MYO16: variants seen among roughly 807,000 people sequenced by gnomAD.
MYO16 encodes unconventional myosin-XVI.
In MYO16, 94 loss-of-function variants were observed where a neutral mutation model predicts 205.3. The ratio of observed to expected loss-of-function variants is 0.46; its 90% CI spans 0.39 to 0.54. MYO16 has a LOEUF of 0.54. Among genes scored for constraint, MYO16 ranks in the 20% least tolerant of loss-of-function variants. MYO16 has a pLI of 0.00. For synonymous variants in MYO16, 988 were observed against 954.0 expected (o/e 1.04, Z -0.66); for missense variants, 2,315 against 2,387.5 (o/e 0.97, Z 0.63).
At chr13:108,858,711 T>G (rs814141) in intron 11 of MYO16, among the ~76,000 whole-genome samples, 21,590 of 152,184 alleles carry the variant, frequency 0.14, 1,697 homozygotes, top group East Asian at 0.28. Flanking sequence ...AACACAAAAA[T>G]TCAGAGTAAC....
At chr13:109,147,692 G>A (rs1337780837) in intron 32 of MYO16, among the ~76,000 whole-genome samples, 1 of 152,110 alleles carries the variant, frequency 6.6e-6, no homozygotes, top group Non-Finnish European at 1.5e-5. Context: ...AGTTGGGGGT[G>A]GGAGTGCTCA....
At chr13:109,066,668 G>A (rs981495308) in intron 27 of MYO16, among the ~76,000 whole-genome samples, 3 of 152,136 alleles carry the variant, frequency 2.0e-5, no homozygotes, top group African/African-American at 7.2e-5. Context: ...AGTACGTATT[G>A]TAGACTTTAT....
intron 27 of MYO16, among the ~76,000 whole-genome samples, chr13:109,097,350 G>A (rs1369552824): frequency 6.6e-6 from 1 of 152,064 alleles, no homozygotes; most frequent in Non-Finnish European, 1.5e-5. Flanking sequence ...GATATCATGT[G>A]AGAGAATCAT....
the MYO16 span, among the ~76,000 whole-genome samples, chr13:108,575,468 A>G: frequency 1.3e-5 from 2 of 152,098 alleles, no homozygotes; most frequent in African/African-American, 4.8e-5. Flanking sequence ...AGGAAAAGCC[A>G]AGCCTGAGCC....
the MYO16 span, among the ~76,000 whole-genome samples, chr13:108,505,113 A>G: frequency 6.6e-6 from 1 of 152,316 alleles, no homozygotes; most frequent in African/African-American, 2.4e-5. Flanking sequence ...CCTGTGATGG[A>G]CATGGGTGTG....
In MYO16 at chr13:109,140,319, T is replaced by C. The variant is rs201420493; in HGVS notation, c.4107T>C (p.Pro1369=). ...SDDYSTMKKI[P]PRKPKRSPNT... is the part of the protein sequence containing the mutation. Reference sequence around the variant, plus strand: ...ACTACAGCACCATGAAGAAGATTCCTCCTCGAAAGCCCAAGCGCAGCCCCA... The same window carrying C: ...ACTACAGCACCATGAAGAAGATTCCCCCTCGAAAGCCCAAGCGCAGCCCCA... Residue 1369 remains proline (P), a synonymous_variant, in exon 32 of 35, where the codon CCT becomes CCC. Coordinates refer to ENST00000457511, the MANE Select transcript of MYO16 (RefSeq NM_001198950.3). The surrounding 1 kb of genome is among the most constrained non-coding windows in gnomAD (Gnocchi z 8.0). The C allele has an allele frequency of 9.4e-6, 15 of 1,602,680 alleles. No homozygotes were observed. The highest frequency in any genetic ancestry group is 7.6e-6 in the Non-Finnish European group (9 of 1,179,364).
rs1296864019 is a variant in MYO16, at chr13:109,019,891, A to G, written c.2776A>G (p.Ile926Val). The change falls in exon 23 of 35, where the codon ATC becomes GTC. Residue 926 changes from isoleucine to valine, a missense_variant. Around this residue, in one of 3 missense-constraint regions of MYO16, gnomAD observed 1,213 missense variants for 1,274.4 expected, o/e 0.95. Transcript: ENST00000457511. ...CAAAGACCACGGTACAGCCTTCACC[A>G]TCATGCACTACGCAGGAAGGGTAAG... ...ALKDHGTAFT[I>V]MHYAGRVMYD... 4.3e-6 allele frequency: 7 copies of G among 1,614,034 alleles called. No individual in the cohort carries two copies. The highest frequency in any genetic ancestry group is 5.9e-6 in the Non-Finnish European group (7 of 1,180,002).
intron 16 of MYO16, among the ~76,000 whole-genome samples, chr13:108,922,060 C>T (rs867422384): frequency 6.6e-6 from 1 of 152,168 alleles, no homozygotes; most frequent in African/African-American, 2.4e-5. Flanking sequence ...TGGTCTTGCT[C>T]CTAGCGTACG....
chr13:108,748,221 A>T, intron 4 of MYO16, among the ~76,000 whole-genome samples: 1 of 152,128 alleles, frequency 6.6e-6, no homozygotes, highest in East Asian at 1.9e-4. Context: ...AAAATTGTCA[A>T]ATATTTGGAG....
Position 109,030,538 on chromosome 13 carries a change from A to T in MYO16, c.2796+10627A>T, listed in dbSNP as rs1886516169. Among the ~76,000 whole-genome samples, 6 of 152,176 alleles carry T rather than the reference A, an allele frequency of 3.9e-5. 1 individual carries two copies. The highest frequency in any genetic ancestry group is 3.9e-4 in the Admixed American group (6 of 15,280). ...TTATTTCCTAAGGATTATCTTTTGC[A>T]TCATATAAATAACATGAGAAAGGGA... On this transcript the variant is annotated intron_variant, in intron 23 of 34. Coordinates refer to ENST00000457511, the MANE Select transcript of MYO16 (RefSeq NM_001198950.3).
At chr13:108,826,890 T>C (rs944617134) in intron 9 of MYO16, among the ~76,000 whole-genome samples, 1 of 152,128 alleles carries the variant, frequency 6.6e-6, no homozygotes, top group Non-Finnish European at 1.5e-5. Flanking sequence ...TAAATCAGTG[T>C]TGGCAAGGAT....
At chr13:108,806,586 A>G in intron 6 of MYO16, 93 bp from the exon 7 acceptor site, 23 of 1,078,248 alleles carry the variant, frequency 2.1e-5, no homozygotes, top group Non-Finnish European at 3.0e-5. Context: ...TAGATCCACC[A>G]TTTCATTAAG....
chr13:108,569,965 A>G, the MYO16 span, among the ~76,000 whole-genome samples: 2 of 152,228 alleles, frequency 1.3e-5, no homozygotes, highest in African/African-American at 2.4e-5. Flanking sequence ...CAAATTTCAC[A>G]TTCCTAGAAT....
intron 10 of MYO16, among the ~76,000 whole-genome samples, chr13:108,853,596 ATTTTT>A (rs35080410): frequency 1.5e-5 from 2 of 130,276 alleles, no homozygotes; most frequent in Non-Finnish European, 1.6e-5. Flanking sequence ...TGAGATCTAG[ATTTTT>A]TTTTTTTTTT....
chr13:108,962,310 C>T (rs1393465629), intron 18 of MYO16, 114 bp from the exon 19 acceptor site: 1 of 736,740 alleles, frequency 1.4e-6, no homozygotes, highest in African/African-American at 1.8e-5. Context: ...TTTTAAAATA[C>T]TCATGTTTTG....
intron 1 of MYO16, among the ~76,000 whole-genome samples, chr13:108,663,528 G>A (rs1305928322): frequency 6.6e-6 from 1 of 152,116 alleles, no homozygotes; most frequent in African/African-American, 2.4e-5. Flanking sequence ...CAAGATTTGA[G>A]ACATGAATGG....
At chr13:108,563,403 G>A in the MYO16 span, among the ~76,000 whole-genome samples, 2 of 152,050 alleles carry the variant, frequency 1.3e-5, no homozygotes, top group East Asian at 3.9e-4. Flanking sequence ...CCCCTATTAG[G>A]TGATTAAATA....
rs1214122421 is a variant in MYO16 at position 109,194,692 on chromosome 13, C to T, written c.5416-11917C>T. 5.9e-5 allele frequency among the ~76,000 whole-genome samples: 9 copies of T among 152,120 alleles called. 1 individual carries two copies. In the South Asian group the frequency reaches 6.2e-4, roughly 11 times the overall value. On this transcript the variant is annotated intron_variant, in intron 34 of 34. Coordinates refer to ENST00000457511, the MANE Select transcript of MYO16 (RefSeq NM_001198950.3). Reference sequence around the variant, plus strand: ...GAGACTGTGTCAGAATGGATGATGACGAGGCTAGAATAATTCAGTGTGGCC... The same window carrying T: ...GAGACTGTGTCAGAATGGATGATGATGAGGCTAGAATAATTCAGTGTGGCC...
chr13:108,680,067 T>C lies in MYO16; in HGVS notation c.292+13918T>C, dbSNP rs558882768. Among the ~76,000 whole-genome samples, 56 of 152,342 alleles carry C rather than the reference T, an allele frequency of 3.7e-4. 1 individual carries two copies. The South Asian group carries it at 8.3e-3, about 23-fold the overall frequency. On this transcript the variant is annotated intron_variant, in intron 2 of 34. Transcript: ENST00000457511. Reference sequence around the variant, plus strand: ...CTGAGCTCTGAACCTAGAGCACTTCTTCAGAGAAGGCTTTGCTGCCTCCCA... The same window carrying C: ...CTGAGCTCTGAACCTAGAGCACTTCCTCAGAGAAGGCTTTGCTGCCTCCCA...
Sources: allele counts gnomAD v4.1 joint callset (sites outside exome capture counted in the v4.1 genomes callset), GRCh38; gene constraint gnomAD v4.1.1; regional missense constraint gnomAD v4.1.1; non-coding constraint Gnocchi (gnomAD v3.1); transcripts MANE v1.5; gene names NCBI Gene and HGNC (gene_info 2026-07-23, HGNC 2026-07-21).